DIP2B: variants seen among roughly 807,000 people sequenced by gnomAD.
The protein encoded by DIP2B is disco-interacting protein 2 homolog B.
DIP2B carries 76 observed loss-of-function variants against 198.0 expected under a neutral mutation model. The ratio of observed to expected loss-of-function variants is 0.38; its 90% CI spans 0.32 to 0.46. DIP2B has a LOEUF of 0.46. Among genes scored for constraint, DIP2B ranks in the 20% least tolerant of loss-of-function variants. The probability of loss-of-function intolerance (pLI) is 0.99; values close to 1 mark genes in which losing one functional copy is unlikely to be tolerated. For synonymous variants in DIP2B, 701 were observed against 739.1 expected (o/e 0.95, Z 0.84); for missense variants, 1,559 against 1,978.4 (o/e 0.79, Z 4.02).
chr12:50,708,407 T>A, intron 21 of DIP2B, 41 bp from the exon 22 acceptor site: 1 of 1,525,582 alleles, frequency 6.6e-7, no homozygotes, highest in Non-Finnish European at 8.9e-7. Flanking sequence ...ATAGGACTGG[T>A]TGTGAAGGGA....
chr12:50,517,848 TTC>T (rs1231707067), intron 1 of DIP2B, among the ~76,000 whole-genome samples: 1 of 152,222 alleles, frequency 6.6e-6, no homozygotes, highest in Non-Finnish European at 1.5e-5. Context: ...CCCGGTTAAC[TTC>T]TGTTTCAGTT....
At chr12:50,572,316 T>G (rs1958621753) in intron 1 of DIP2B, among the ~76,000 whole-genome samples, 3 of 152,242 alleles carry the variant, frequency 2.0e-5, no homozygotes, top group South Asian at 2.1e-4. Flanking sequence ...TTACATCTTG[T>G]AGGAGATTCT....
chr12:50,684,489 G>T (rs1406410331), intron 10 of DIP2B, among the ~76,000 whole-genome samples: 1 of 152,194 alleles, frequency 6.6e-6, no homozygotes, highest in Non-Finnish European at 1.5e-5. Flanking sequence ...GTTGGAGGAT[G>T]TGGATTTATA....
intron 34 of DIP2B, among the ~76,000 whole-genome samples, 161 bp downstream of exon 34, chr12:50,735,291 C>T (rs550715784): frequency 2.0e-5 from 3 of 152,188 alleles, no homozygotes; most frequent in Admixed American, 2.0e-4. Context: ...CATATGGGTA[C>T]ATAGATAAGA....
chr12:50,577,989 T>C (rs1483125450), intron 1 of DIP2B, among the ~76,000 whole-genome samples: 2 of 152,224 alleles, frequency 1.3e-5, no homozygotes, highest in African/African-American at 4.8e-5. Flanking sequence ...TCATACTGTG[T>C]TACATTTAGA....
At chr12:50,647,115 C>A (rs1477215416) in intron 3 of DIP2B, among the ~76,000 whole-genome samples, 3 of 151,966 alleles carry the variant, frequency 2.0e-5, no homozygotes, top group African/African-American at 7.3e-5. Context: ...TGGAGTGACA[C>A]AATCTCGTCT....
chr12:50,689,411 A>G (rs1299260157), intron 12 of DIP2B, among the ~76,000 whole-genome samples: 1 of 152,152 alleles, frequency 6.6e-6, no homozygotes, highest in African/African-American at 2.4e-5. Flanking sequence ...ACAGTTATTC[A>G]GGTGAGCCCA....
At chr12:50,712,782 C>T (rs905375104) in intron 22 of DIP2B, among the ~76,000 whole-genome samples, 1 of 151,978 alleles carries the variant, frequency 6.6e-6, no homozygotes. Flanking sequence ...GTGGCGGGCA[C>T]CTGTAATCTC....
intron 1 of DIP2B, among the ~76,000 whole-genome samples, chr12:50,612,509 A>G (rs1369706515): frequency 6.6e-6 from 1 of 151,110 alleles, no homozygotes; most frequent in Admixed American, 6.6e-5. Flanking sequence ...GCTCACTGCA[A>G]CCTCTGTCTC....
rs186173604 is a variant in DIP2B at position 50,519,928 on chromosome 12, T to C, written c.100+14688T>C. 3.5e-3 allele frequency among the ~76,000 whole-genome samples: 527 copies of C among 151,944 alleles called. 7 individuals carry two copies. Among genetic ancestry groups the C allele is most frequent in the Admixed American group, 0.032 (485 of 15,240 alleles). On this transcript the variant is annotated intron_variant, in intron 1 of 37. Transcript: ENST00000301180. ...TTTTTTCTTTTTCTTTCTAAGAATTTAAGATCATATTGTTGTAAGTTAATC... is the reference window on the plus strand; with the variant it reads ...TTTTTTCTTTTTCTTTCTAAGAATTCAAGATCATATTGTTGTAAGTTAATC...
chr12:50,681,159 A>G (rs571067511), intron 9 of DIP2B, among the ~76,000 whole-genome samples: 4 of 152,272 alleles, frequency 2.6e-5, no homozygotes, highest in African/African-American at 9.6e-5. Context: ...GGCTGGGTGC[A>G]GTGGTTCACA....
In DIP2B at chr12:50,605,059, A is replaced by G. The variant is rs189949856; in HGVS notation, c.101-20917A>G. The stretch of plus-strand genomic sequence containing the variant: ...TAAATGACTTGAAGTTTATATACAC[A>G]TACCCATTAATGTAGCCTGTTTTCT... On this transcript the variant is annotated intron_variant, in intron 1 of 37. Transcript: ENST00000301180. Among the ~76,000 whole-genome samples, 158 of 152,264 alleles carry G rather than the reference A, an allele frequency of 1.0e-3. 1 individual carries two copies. The highest frequency in any genetic ancestry group is 3.7e-3 in the African/African-American group (152 of 41,550).
At chr12:50,676,621 A>G (rs1355780699) in intron 7 of DIP2B, among the ~76,000 whole-genome samples, 2 of 152,254 alleles carry the variant, frequency 1.3e-5, no homozygotes, top group Admixed American at 6.5e-5. Context: ...TAGAACTAAC[A>G]ACTTTCCATT....
At chr12:50,682,358 G>C (rs924448840) in intron 9 of DIP2B, among the ~76,000 whole-genome samples, 3 of 152,128 alleles carry the variant, frequency 2.0e-5, no homozygotes, top group Non-Finnish European at 4.4e-5. Context: ...GGGTGGGGTG[G>C]CTCACGCCTG....
chr12:50,687,478 G>T (rs1318155134), intron 12 of DIP2B, among the ~76,000 whole-genome samples: 1 of 152,100 alleles, frequency 6.6e-6, no homozygotes, highest in Non-Finnish European at 1.5e-5. Context: ...TCAAGATCTG[G>T]GGGAAAATCA....
intron 13 of DIP2B, among the ~76,000 whole-genome samples, chr12:50,691,862 G>A (rs1210870687): frequency 1.3e-5 from 2 of 152,006 alleles, no homozygotes; most frequent in Non-Finnish European, 2.9e-5. Flanking sequence ...TCAAGGGTTC[G>A]AGACCAGCCT....
At chr12:50,559,788 G>C (rs1958503029) in intron 1 of DIP2B, among the ~76,000 whole-genome samples, 1 of 150,986 alleles carries the variant, frequency 6.6e-6, no homozygotes, top group South Asian at 2.1e-4. Flanking sequence ...AGGTATCATA[G>C]ATGTTTTGGC....
chr12:50,508,376 A>G (rs1375428629), intron 1 of DIP2B, among the ~76,000 whole-genome samples: 1 of 152,222 alleles, frequency 6.6e-6, no homozygotes, highest in Non-Finnish European at 1.5e-5. Flanking sequence ...AGTCAAGTGT[A>G]TGTACATAAA....
Position 50,742,394 on chromosome 12 carries a change from CAAAAA to C in DIP2B, c.4478+879_4478+883del, listed in dbSNP as rs59566626. 2.3e-4 allele frequency among the ~76,000 whole-genome samples: 11 copies of C among 47,478 alleles called. 1 individual carries two copies. Among genetic ancestry groups the C allele is most frequent in the East Asian group, 1.0e-3 (1 of 974 alleles). 31.1% of individuals were successfully genotyped at this position (47,478 alleles called of 152,430 possible). On this transcript the variant is annotated intron_variant, in intron 37 of 37. Coordinates refer to ENST00000301180, the MANE Select transcript of DIP2B (RefSeq NM_173602.3). ...CCCTGGTGACAGACTGAGACTGTCTCAAAAAAAAAAAAAAAAAAAAAAAAAAAACC... is the reference window on the plus strand; with the variant it reads ...CCCTGGTGACAGACTGAGACTGTCTCAAAAAAAAAAAAAAAAAAAAAAACC...
Sources: allele counts gnomAD v4.1 joint callset (sites outside exome capture counted in the v4.1 genomes callset), GRCh38; gene constraint gnomAD v4.1.1; transcripts MANE v1.5; gene names NCBI Gene and HGNC (gene_info 2026-07-23, HGNC 2026-07-21).